Variants in GALNTL6 observed in about 807,000 individuals in gnomAD.
GALNTL6 encodes polypeptide N-acetylgalactosaminyltransferase like 6.
In GALNTL6, 46 loss-of-function variants were observed where a neutral mutation model predicts 73.7. The observed-to-expected ratio is 0.62, with a 90% CI of 0.49 to 0.80. The LOEUF (loss-of-function observed/expected upper bound fraction) is 0.80, where lower values mean the gene tolerates loss of function less well. GALNTL6 is among the 30% of genes least tolerant of loss of function. The pLI is 0.00. For missense variants in GALNTL6, 604 were observed against 755.0 expected, an observed-to-expected ratio of 0.80 and a Z score of 2.34; for synonymous variants, 259 against 263.7, an observed-to-expected ratio of 0.98 and a Z score of 0.17.
chr4:172,051,761 A>G (rs796400664), intron 2 of GALNTL6, among the ~76,000 whole-genome samples: 1 of 152,094 alleles, frequency 6.6e-6, no homozygotes, highest in South Asian at 2.1e-4. Context: ...GCCTGTTCCC[A>G]CTTAGGGCCA....
intron 2 of GALNTL6, among the ~76,000 whole-genome samples, chr4:172,073,813 G>A (rs1731625519): frequency 6.6e-6 from 1 of 152,164 alleles, no homozygotes; most frequent in African/African-American, 2.4e-5. Context: ...TTTGGCTGAG[G>A]GCTAAGCTCT....
chr4:172,560,204 G>C (rs1463302953), intron 5 of GALNTL6, among the ~76,000 whole-genome samples: 1 of 152,124 alleles, frequency 6.6e-6, no homozygotes, highest in Non-Finnish European at 1.5e-5. Flanking sequence ...GTGGCCAAGC[G>C]TGATGGTTCA....
At chr4:172,944,890 T>G (rs1201984187) in intron 9 of GALNTL6, among the ~76,000 whole-genome samples, 1 of 151,754 alleles carries the variant, frequency 6.6e-6, no homozygotes, top group Non-Finnish European at 1.5e-5. Context: ...ACCCCGTCTC[T>G]ACTAAAAAAA....
At chr4:171,972,257 T>C (rs746986723) in intron 2 of GALNTL6, among the ~76,000 whole-genome samples, 1 of 152,214 alleles carries the variant, frequency 6.6e-6, no homozygotes, top group Non-Finnish European at 1.5e-5. Context: ...AAACTACTAA[T>C]GTATTTTATA....
intron 5 of GALNTL6, among the ~76,000 whole-genome samples, chr4:172,793,859 T>C (rs1740124354): frequency 6.6e-6 from 1 of 152,244 alleles, no homozygotes; most frequent in East Asian, 1.9e-4. Context: ...TCTATATTTT[T>C]GTAAATTACA....
intron 2 of GALNTL6, among the ~76,000 whole-genome samples, chr4:172,160,893 CACACACACACACACACAT>C (rs143931868): frequency 0.4 from 56,729 of 141,868 alleles, 10,940 homozygotes; most frequent in African/African-American, 0.44. Flanking sequence ...TATATATAGA[CACACACACACACACACAT>C]ACACACACAC....
chr4:171,979,022 T>A (rs962311460), intron 2 of GALNTL6, among the ~76,000 whole-genome samples: 1 of 152,136 alleles, frequency 6.6e-6, no homozygotes, highest in African/African-American at 2.4e-5. Context: ...AATCTCCAAA[T>A]TTCTGTTCTG....
chr4:172,077,877 G>T (rs1174773684), intron 2 of GALNTL6, among the ~76,000 whole-genome samples: 1 of 152,116 alleles, frequency 6.6e-6, no homozygotes, highest in South Asian at 2.1e-4. Context: ...AAAAAATGGT[G>T]TTATGGGCCA....
intron 5 of GALNTL6, among the ~76,000 whole-genome samples, chr4:172,682,412 CAAGAT>C (rs1319024060): frequency 6.6e-6 from 1 of 151,812 alleles, no homozygotes; most frequent in Non-Finnish European, 1.5e-5. Flanking sequence ...TATATAACAT[CAAGAT>C]AACACTATAA....
At chr4:172,770,987 C>G (rs950561665) in intron 5 of GALNTL6, among the ~76,000 whole-genome samples, 1 of 152,152 alleles carries the variant, frequency 6.6e-6, no homozygotes, top group Non-Finnish European at 1.5e-5. Context: ...ACTATTTTTG[C>G]TGACTTTGTT....
At chr4:171,981,492 C>G (rs1241383500) in intron 2 of GALNTL6, among the ~76,000 whole-genome samples, 1 of 152,086 alleles carries the variant, frequency 6.6e-6, no homozygotes, top group Non-Finnish European at 1.5e-5. Flanking sequence ...TCTCTGTTGG[C>G]AAATTATGAG....
chr4:172,204,162 T>G (rs910169226), intron 2 of GALNTL6, among the ~76,000 whole-genome samples: 30 of 152,192 alleles, frequency 2.0e-4, no homozygotes, highest in African/African-American at 7.0e-4. Flanking sequence ...TTTACTAGGT[T>G]GTTTGCTATA....
At chr4:172,918,804 C>T (rs1429440769) in intron 8 of GALNTL6, among the ~76,000 whole-genome samples, 1 of 152,134 alleles carries the variant, frequency 6.6e-6, no homozygotes, top group Non-Finnish European at 1.5e-5. Flanking sequence ...GGAAGATGAC[C>T]CTGAGACTCA....
chr4:171,898,799 T>C (rs1448156967), intron 2 of GALNTL6, among the ~76,000 whole-genome samples: 1 of 152,038 alleles, frequency 6.6e-6, no homozygotes. Flanking sequence ...CATAGTTACA[T>C]GATAATGTAC....
chr4:171,890,950 G>T (rs1439957250), intron 2 of GALNTL6, among the ~76,000 whole-genome samples: 4 of 152,064 alleles, frequency 2.6e-5, no homozygotes, highest in Admixed American at 2.6e-4. Context: ...ATAACTTCAT[G>T]TTGTCGTCAT....
intron 2 of GALNTL6, among the ~76,000 whole-genome samples, chr4:172,026,543 T>A (rs969257133): frequency 6.6e-6 from 1 of 152,186 alleles, no homozygotes; most frequent in Non-Finnish European, 1.5e-5. Context: ...TTAAGTAAAT[T>A]TAAATTTTAA....
intron 3 of GALNTL6, among the ~76,000 whole-genome samples, chr4:172,299,569 C>A (rs1225465015): frequency 6.6e-6 from 1 of 152,168 alleles, no homozygotes; most frequent in African/African-American, 2.4e-5. Context: ...TATGTTTTGT[C>A]TTTATTCTCA....
At chr4:171,850,831 T>C (rs1183272169) in intron 2 of GALNTL6, among the ~76,000 whole-genome samples, 1 of 152,154 alleles carries the variant, frequency 6.6e-6, no homozygotes, top group Non-Finnish European at 1.5e-5. Context: ...CTGTTCAGTC[T>C]GCTGGGGAAC....
At chr4:171,852,054 G>A (rs1735537022) in intron 2 of GALNTL6, among the ~76,000 whole-genome samples, 1 of 151,924 alleles carries the variant, frequency 6.6e-6, no homozygotes, top group Non-Finnish European at 1.5e-5. Flanking sequence ...CAGTGACCAG[G>A]CAAAAAAATA....
Sources: gnomAD v4.1 joint callset for allele counts (sites outside exome capture counted in the v4.1 genomes callset) on GRCh38, gnomAD v4.1.1 for gene constraint, MANE v1.5 for transcripts, NCBI Gene and HGNC (gene_info 2026-07-23, HGNC 2026-07-21) for gene names.